PCDHA5: variants seen among roughly 807,000 people sequenced by gnomAD.
The protein encoded by PCDHA5 is protocadherin alpha 5, also known as protocadherin alpha-5.
A neutral mutation model predicts 61.6 loss-of-function variants in PCDHA5; 43 were observed. The ratio of observed to expected loss-of-function variants is 0.70; its 90% confidence interval spans 0.55 to 0.90. The LOEUF is 0.90. Among genes scored for constraint, PCDHA5 ranks in the 40% least tolerant of loss-of-function variants. PCDHA5 has a pLI of 0.00. For missense variants in PCDHA5, 1,298 were observed against 1,222.7 expected (o/e 1.06, Z -0.92); for synonymous variants, 627 against 543.9 (o/e 1.15, Z -2.13).
At chr5:140,873,007 C>G (rs1363151505) in intron 1 of PCDHA5, among the ~76,000 whole-genome samples, 2 of 152,088 alleles carry the variant, frequency 1.3e-5, no homozygotes, top group East Asian at 3.8e-4. Context: ...AGTCATTCTT[C>G]ATATTTAGTT....
In PCDHA5 at chr5:140,968,804, G is replaced by T. The variant is rs147800392; in HGVS notation, c.2353-10145G>T. ...AGCCTCTGTGGCCATTACAGTAGCT[G>T]TGGTGGATAGGGTTTCCAAAATCCT... On this transcript the variant is annotated intron_variant, in intron 1 of 3. Transcript: ENST00000529859. 703 of 1,614,106 alleles carry T rather than the reference G, an allele frequency of 4.4e-4. No homozygotes were observed. The highest frequency in any genetic ancestry group is 5.7e-4 in the Non-Finnish European group (677 of 1,180,052).
chr5:140,837,248 CTTTT>C (rs1379591542), intron 1 of PCDHA5: 2 of 152,172 alleles, frequency 1.3e-5, no homozygotes, highest in African/African-American at 2.4e-5. Flanking sequence ...TATTTATCTT[CTTTT>C]TATCATATTT....
At chr5:140,943,070 A>G (rs2093413648) in intron 1 of PCDHA5, among the ~76,000 whole-genome samples, 2 of 152,004 alleles carry the variant, frequency 1.3e-5, no homozygotes, top group Non-Finnish European at 2.9e-5. Context: ...CAGCCTGACC[A>G]ACATGGTGAA....
intron 1 of PCDHA5, among the ~76,000 whole-genome samples, chr5:140,886,515 G>A (rs1554182564): frequency 3.9e-5 from 6 of 151,972 alleles, no homozygotes; most frequent in Non-Finnish European, 8.8e-5. Flanking sequence ...TGGATTTTAA[G>A]GTCTGCATAT....
In PCDHA5 at chr5:140,961,136, G is replaced by A. The variant is rs1474839905; in HGVS notation, c.2353-17813G>A. On this transcript the variant is annotated intron_variant, in intron 1 of 3. Coordinates refer to ENST00000529859, the MANE Select transcript of PCDHA5 (RefSeq NM_018908.3). ...TGCATCTTAATGTCTTGGCACTTAA[G>A]AGTTGGCATATTATTTCAGTACATA... is the stretch of plus-strand genomic sequence containing the variant. Among the ~76,000 whole-genome samples the A allele has an allele frequency of 3.9e-5, 6 of 152,270 alleles. No homozygotes were observed. The East Asian group carries it at 1.2e-3, about 29-fold the overall frequency.
At chr5:140,871,151 C>A in intron 1 of PCDHA5, 1 of 1,613,328 alleles carries the variant, frequency 6.2e-7, no homozygotes, top group Non-Finnish European at 8.5e-7. Flanking sequence ...CGGACTTTGG[C>A]GGGCGCCGCG....
At chr5:140,981,533 C>A (rs1045779820) in intron 2 of PCDHA5, among the ~76,000 whole-genome samples, 9 of 152,154 alleles carry the variant, frequency 5.9e-5, no homozygotes, top group African/African-American at 2.2e-4. Context: ...GAGATCGTGC[C>A]ACTGTACTCC....
At chr5:141,002,456 A>G (rs2098081347) in intron 3 of PCDHA5, among the ~76,000 whole-genome samples, 1 of 152,242 alleles carries the variant, frequency 6.6e-6, no homozygotes, top group Non-Finnish European at 1.5e-5. Context: ...GCACATTTGT[A>G]TAACGCTTTA....
At position 140,849,549 on chromosome 5, in the gene PCDHA5, A is replaced by G. The variant is rs2150440230; in HGVS notation, c.2352+25422A>G. ...AAATGACAATGCTCCACAGTTGACT[A>G]TCAAAACGCTCTCGGTTCCTGTAAA... On this transcript the variant is annotated intron_variant, in intron 1 of 3. Transcript: ENST00000529859. 5 of 1,598,378 alleles carry G rather than the reference A, an allele frequency of 3.1e-6. 1 individual carries two copies. The South Asian group carries it at 3.3e-5, about 11-fold the overall frequency.
intron 1 of PCDHA5, chr5:140,871,394 C>G (rs782179742): frequency 6.2e-7 from 1 of 1,614,042 alleles, no homozygotes; most frequent in Admixed American, 1.7e-5. Context: ...GAGGGCCCAC[C>G]TAAGACGGAC....
At chr5:140,911,202 A>C (rs1554194649) in intron 1 of PCDHA5, among the ~76,000 whole-genome samples, 1 of 152,184 alleles carries the variant, frequency 6.6e-6, no homozygotes. Flanking sequence ...ACATGTTGCC[A>C]CTACTGGGGA....
chr5:140,987,225 A>AT (rs1451600480), intron 3 of PCDHA5, among the ~76,000 whole-genome samples: 11 of 143,044 alleles, frequency 7.7e-5, no homozygotes, highest in Non-Finnish European at 1.0e-4. Context: ...AAAAAAAAAA[A>AT]AATAATAAAT....
chr5:140,934,337 A>G (rs1404340648), intron 1 of PCDHA5, among the ~76,000 whole-genome samples: 1 of 152,128 alleles, frequency 6.6e-6, no homozygotes, highest in African/African-American at 2.4e-5. Context: ...TGTAATAACC[A>G]CCAGTACAGT....
chr5:140,881,596 T>G (rs1420240994), intron 1 of PCDHA5, among the ~76,000 whole-genome samples: 1 of 152,240 alleles, frequency 6.6e-6, no homozygotes, highest in African/African-American at 2.4e-5. Flanking sequence ...GGAAATTTAT[T>G]AATATGATGT....
At chr5:140,836,321 C>G (rs2150257689) in intron 1 of PCDHA5, 3 of 1,613,768 alleles carry the variant, frequency 1.9e-6, no homozygotes, top group Non-Finnish European at 2.5e-6. Context: ...CGCGCCACCG[C>G]CTTCTGGTGC....
chr5:140,982,583 C>T lies in PCDHA5; in HGVS notation c.2500+20C>T, dbSNP rs1251252617. ...CACCAGGTAAAGAGCTGGGGTCTCT[C>T]CATTCTTTCTTGGTTTCTGGAAAGT... is the stretch of plus-strand genomic sequence containing the variant. On this transcript the variant is annotated intron_variant, in intron 3 of 3. Coordinates refer to ENST00000529859, the MANE Select transcript of PCDHA5 (RefSeq NM_018908.3). The T allele has an allele frequency of 1.2e-6, 2 of 1,612,084 alleles. No homozygotes were observed. The highest frequency in any genetic ancestry group is 4.5e-5 in the East Asian group (2 of 44,856).
chr5:140,855,021 T>C (rs910000039), intron 1 of PCDHA5, among the ~76,000 whole-genome samples: 2 of 149,920 alleles, frequency 1.3e-5, no homozygotes, highest in African/African-American at 4.9e-5. Context: ...ATGAAACTTC[T>C]TGTATAAAGG....
chr5:140,882,024 G>A lies in PCDHA5; in HGVS notation c.2352+57897G>A, dbSNP rs4151690. On this transcript the variant is annotated intron_variant, in intron 1 of 3. Transcript: ENST00000529859. ...AGGGGCAAAAAAATACTACATCAAT[G>A]GAAAATATGAAGACTGAGTCATACT... is the stretch of plus-strand genomic sequence containing the variant. 118 of 580,388 alleles carry A rather than the reference G, an allele frequency of 2.0e-4. 2 individuals carry two copies. The highest frequency in any genetic ancestry group is 1.6e-3 in the East Asian group (53 of 32,696). The allele number at this position is 580,388 out of a possible 1,614,324, so 36.0% of individuals were successfully genotyped here. A position where few individuals can be genotyped will look rare whatever the true frequency, so the allele number is the denominator to read the frequency against.
chr5:140,968,859 C>T, intron 1 of PCDHA5: 1 of 1,614,184 alleles, frequency 6.2e-7, no homozygotes, highest in Non-Finnish European at 8.5e-7. Context: ...GTTAAGAGCC[C>T]TCGGACATAC....
Sources: allele counts gnomAD v4.1 joint callset (sites outside exome capture counted in the v4.1 genomes callset), GRCh38; gene constraint gnomAD v4.1.1; transcripts MANE v1.5; gene names NCBI Gene and HGNC (gene_info 2026-07-23, HGNC 2026-07-21).